Variants in IL12RB2 observed in about 807,000 individuals in gnomAD.
IL12RB2 encodes the protein interleukin-12 receptor subunit beta-2.
In IL12RB2, 82 loss-of-function variants were observed where a neutral mutation model predicts 89.4. The ratio of observed to expected loss-of-function variants is 0.92; its 90% CI spans 0.77 to 1.10. The LOEUF is 1.10. Ranked by LOEUF, IL12RB2 falls within the 50% of genes least tolerant of loss-of-function variation. The pLI is 0.00. For synonymous variants in IL12RB2, 368 were observed against 370.1 expected (o/e 0.99, Z 0.07); for missense variants, 963 against 1,031.9 (o/e 0.93, Z 0.92).
Position 67,372,630 on chromosome 1 carries a change from C to G in IL12RB2, c.1564C>G (p.Leu522Val). The G allele has an allele frequency of 6.2e-7, 1 of 1,613,718 alleles. No homozygotes were observed. Among genetic ancestry groups the G allele is most frequent in the Non-Finnish European group, 8.5e-7 (1 of 1,179,624 alleles). ...TCCTGTGCCCTACTTTACAGCACCA[C>G]TGAGTGGCCCCCACATTAATGCCAT... ...ILGNSKHKAP[L>V]SGPHINAITE... is the part of the protein sequence containing the mutation. Residue 522 changes from leucine to valine, a missense_variant, in exon 13 of 17, where the codon CTG (leucine) becomes GTG (valine). Leu to Val is a conservative substitution (Grantham distance 32, BLOSUM62 1). Transcript: ENST00000674203.
intron 9 of IL12RB2, among the ~76,000 whole-genome samples, chr1:67,345,716 C>T (rs1406114725): frequency 6.6e-6 from 1 of 152,082 alleles, no homozygotes; most frequent in Admixed American, 6.6e-5. Flanking sequence ...AATCCTGGCC[C>T]ATCACAGGCA....
intron 9 of IL12RB2, among the ~76,000 whole-genome samples, chr1:67,341,549 A>AAAG: frequency 1.7e-5 from 1 of 57,588 alleles, no homozygotes; most frequent in Non-Finnish European, 5.6e-5. Flanking sequence ...GAAAGAAAGA[A>AAAG]AGAAAGAAAG....
intron 8 of IL12RB2, among the ~76,000 whole-genome samples, chr1:67,337,952 T>C (rs1659007881): frequency 6.6e-6 from 1 of 151,840 alleles, no homozygotes. Flanking sequence ...CACATATACT[T>C]TATTTTTATT....
At chr1:67,357,873 T>C (rs558015236) in intron 10 of IL12RB2, among the ~76,000 whole-genome samples, 30 of 151,778 alleles carry the variant, frequency 2.0e-4, no homozygotes, top group South Asian at 4.1e-4. Context: ...ATTAGAAAAA[T>C]TAAAACACTG....
At chr1:67,376,034 C>G (rs941589769) in intron 13 of IL12RB2, among the ~76,000 whole-genome samples, 6 of 151,780 alleles carry the variant, frequency 4.0e-5, no homozygotes, top group African/African-American at 1.2e-4. Context: ...TTTTAGTAGA[C>G]ACGGGGTTTC....
At chr1:67,337,663 C>A (rs1402583921) in intron 8 of IL12RB2, among the ~76,000 whole-genome samples, 1 of 151,946 alleles carries the variant, frequency 6.6e-6, no homozygotes, top group Non-Finnish European at 1.5e-5. Flanking sequence ...TTATTAGGAG[C>A]CTATTATATT....
Position 67,309,403 on chromosome 1 carries a change from C to G in IL12RB2, c.-125+1436C>G, listed in dbSNP as rs1267766654. Among the ~76,000 whole-genome samples the G allele has an allele frequency of 2.0e-5, 3 of 152,162 alleles. No individual in the cohort carries two copies. In the East Asian group the frequency reaches 5.8e-4, roughly 29 times the overall value. On this transcript the variant is annotated intron_variant, in intron 1 of 16. Coordinates refer to ENST00000674203, the MANE Select transcript of IL12RB2 (RefSeq NM_001374259.2). ...AACCACCTCCACTTGAACAAACAAA[C>G]GTTGGATTCTCATTTTCCATTAATA...
At position 67,395,563 on chromosome 1, in the gene IL12RB2, C is replaced by T. The variant is rs1666288223; in HGVS notation, c.2063C>T (p.Pro688Leu). The T allele has an allele frequency of 6.2e-7, 1 of 1,614,218 alleles. No homozygotes were observed. The highest frequency in any genetic ancestry group is 8.5e-7 in the Non-Finnish European group (1 of 1,180,036). Residue 688 changes from proline to leucine, a missense_variant, in exon 17 of 17, where the codon CCC becomes CTC. By Grantham distance (98) the Pro-to-Leu change is moderately conservative. Transcript: ENST00000674203. The stretch of plus-strand genomic sequence containing the variant: ...TTCTCTCAGGAGAAGACACAGCTGC[C>T]CTTGGACAGGCTCCTGATAGACTGG... ...YPIAEEKTQL[P>L]LDRLLIDWPT...
chr1:67,358,342 A>G (rs1348837191), intron 10 of IL12RB2, among the ~76,000 whole-genome samples: 16 of 152,098 alleles, frequency 1.1e-4, no homozygotes, highest in Admixed American at 1.0e-3. Flanking sequence ...TTGGGAGGTC[A>G]AGGCAGGCAG....
intron 9 of IL12RB2, among the ~76,000 whole-genome samples, chr1:67,346,336 T>C (rs1660218019): frequency 6.6e-6 from 1 of 151,798 alleles, no homozygotes; most frequent in Admixed American, 6.6e-5. Flanking sequence ...CTTAGATAGT[T>C]TCAATGGAGT....
intron 14 of IL12RB2, 62 bp downstream of exon 14, chr1:67,380,185 A>G (rs1664428129): frequency 1.3e-6 from 2 of 1,530,920 alleles, no homozygotes; most frequent in Middle Eastern, 1.7e-4. Context: ...ATGCACTCCT[A>G]TTACATTTGG....
At chr1:67,363,211 ATTTTTTTTT>A (rs199805464) in intron 10 of IL12RB2, among the ~76,000 whole-genome samples, 20 of 97,222 alleles carry the variant, frequency 2.1e-4, no homozygotes, top group African/African-American at 7.6e-4. Context: ...AATTATTCTT[ATTTTTTTTT>A]TTTTTTTTTT....
intron 9 of IL12RB2, among the ~76,000 whole-genome samples, chr1:67,340,416 G>A (rs1659396135): frequency 6.6e-6 from 1 of 152,176 alleles, no homozygotes; most frequent in Admixed American, 6.5e-5. Flanking sequence ...CTCATGTAAA[G>A]GTTTCTCCTC....
rs1047254786 is a variant in IL12RB2 at position 67,397,745 on chromosome 1, T to C, written c.*1656T>C. ...AAGATCCAAAATACTTTTTCTTAAA[T>C]TCCTGTCAAGCCTGGGGTCCACCCC... On this transcript the variant is annotated 3_prime_UTR_variant, in exon 17 of 17. Coordinates refer to ENST00000674203, the MANE Select transcript of IL12RB2 (RefSeq NM_001374259.2). 6.6e-6 allele frequency among the ~76,000 whole-genome samples: 1 copy of C among 152,208 alleles called. No homozygotes were observed. Among genetic ancestry groups the C allele is most frequent in the Non-Finnish European group, 1.5e-5 (1 of 68,040 alleles).
intron 10 of IL12RB2, among the ~76,000 whole-genome samples, chr1:67,354,220 G>A (rs1661139947): frequency 6.6e-6 from 1 of 152,294 alleles, no homozygotes; most frequent in African/African-American, 2.4e-5. Flanking sequence ...TGCGTACCAA[G>A]TATAGAGAGA....
Position 67,323,256 on chromosome 1 carries a change from G to T in IL12RB2, c.364+1367G>T, listed in dbSNP as rs902322081. Among the ~76,000 whole-genome samples the T allele has an allele frequency of 2.0e-5, 3 of 152,124 alleles. No individual in the cohort carries two copies. The South Asian group carries it at 6.2e-4, about 32-fold the overall frequency. On this transcript the variant is annotated intron_variant, in intron 4 of 16. Coordinates refer to ENST00000674203, the MANE Select transcript of IL12RB2 (RefSeq NM_001374259.2). ...TTGGTAGGAAGGAGGTATAAACTAG[G>T]CCAAGTACTCACCTTCCAGCTCAGG... is the stretch of plus-strand genomic sequence containing the variant.
chr1:67,373,605 G>A (rs751553489), intron 13 of IL12RB2, among the ~76,000 whole-genome samples: 1 of 152,220 alleles, frequency 6.6e-6, no homozygotes, highest in Non-Finnish European at 1.5e-5. Context: ...TCTAGCTAGA[G>A]TGTTGTCTCA....
intron 10 of IL12RB2, among the ~76,000 whole-genome samples, chr1:67,362,008 C>A (rs111641479): frequency 0.031 from 4,655 of 152,240 alleles, 247 homozygotes; most frequent in African/African-American, 0.11. Flanking sequence ...CGGTGGCTCA[C>A]GCGTGTAATC....
intron 2 of IL12RB2, among the ~76,000 whole-genome samples, chr1:67,315,077 G>C (rs1655592722): frequency 6.6e-6 from 1 of 152,166 alleles, no homozygotes; most frequent in South Asian, 2.1e-4. Context: ...CATAAAAGGA[G>C]AAGCTATTTT....
Sources: allele counts gnomAD v4.1 joint callset (sites outside exome capture counted in the v4.1 genomes callset), GRCh38; gene constraint gnomAD v4.1.1; transcripts MANE v1.5; gene names NCBI Gene and HGNC (gene_info 2026-07-23, HGNC 2026-07-21).